TRAPPC6B: variants seen among roughly 807,000 people sequenced by gnomAD.
TRAPPC6B encodes trafficking protein particle complex subunit 6B.
TRAPPC6B carries 27 observed loss-of-function variants against 24.7 expected under a neutral mutation model. The observed-to-expected ratio is 1.09, with a 90% confidence interval of 0.81 to 1.51. TRAPPC6B has a LOEUF of 1.51. Ranked by LOEUF, TRAPPC6B falls within the 40% of genes most tolerant of loss-of-function variation. The pLI is 0.00. For missense variants in TRAPPC6B, 212 were observed against 190.8 expected, an observed-to-expected ratio of 1.11 and a Z score of -0.66; for synonymous variants, 80 against 66.6, an observed-to-expected ratio of 1.20 and a Z score of -0.98.
At chr14:39,151,283 G>A (rs566089968) in intron 5 of TRAPPC6B, among the ~76,000 whole-genome samples, 4 of 151,326 alleles carry the variant, frequency 2.6e-5, no homozygotes, top group Middle Eastern at 3.4e-3. Context: ...CCAGCTACTC[G>A]GGAGGTTGAG....
rs990614723 is a variant in TRAPPC6B, at chr14:39,154,684, T to C, written c.268-390A>G. 7.2e-4 allele frequency among the ~76,000 whole-genome samples: 109 copies of C among 152,268 alleles called. 1 individual carries two copies. The highest frequency in any genetic ancestry group is 2.5e-3 in the African/African-American group (102 of 41,552). On this transcript the variant is annotated intron_variant, in intron 3 of 5. Coordinates refer to ENST00000330149, the MANE Select transcript of TRAPPC6B (RefSeq NM_001079537.2). The stretch of plus-strand genomic sequence containing the variant: ...ATCTGCCCACCTTGACCTCCCGAAG[T>C]GCTGGGATTACAGGCATAAGCCCAC...
In TRAPPC6B at chr14:39,147,910, T is replaced by G. The variant is rs1028181808; in HGVS notation, c.*2440A>C. ...AAAGGCATATTCAATTGTCCCATAC[T>G]AATTTTTGAATAACCTAACTCTCCC... On this transcript the variant is annotated 3_prime_UTR_variant, in exon 6 of 6. Coordinates refer to ENST00000330149, the MANE Select transcript of TRAPPC6B (RefSeq NM_001079537.2). The G allele has an allele frequency of 1.3e-5, 2 of 152,224 alleles. No homozygotes were observed. The highest frequency in any genetic ancestry group is 2.9e-5 in the Non-Finnish European group (2 of 68,044). The allele number at this position is 152,224 out of a possible 1,614,324, so 9.4% of individuals were successfully genotyped here.
In TRAPPC6B at chr14:39,170,048, A is replaced by C. The variant is rs766668699; in HGVS notation, c.48T>G (p.Ser16=). The C allele has an allele frequency of 8.7e-6, 14 of 1,614,102 alleles. No homozygotes were observed. Among genetic ancestry groups the C allele is most frequent in the Non-Finnish European group, 1.0e-5 (12 of 1,180,046 alleles). The change falls in exon 1 of 6, where the codon TCT becomes TCG. Residue 16 remains serine, a synonymous_variant. Transcript: ENST00000330149. ...LFLLLHNEMV[S]GVYKSAEQGE... ...CCTGCTCCGCGGACTTGTACACTCCAGACACCATCTCGTTATGGAGAAGCA... is the reference window on the plus strand; with the variant it reads ...CCTGCTCCGCGGACTTGTACACTCCCGACACCATCTCGTTATGGAGAAGCA...
At chr14:39,158,899 A>C (rs539833523) in intron 2 of TRAPPC6B, 1 of 152,616 alleles carries the variant, frequency 6.6e-6, no homozygotes, top group Non-Finnish European at 1.5e-5. Flanking sequence ...TATGTTATAT[A>C]AATTATGAGG....
chr14:39,166,922 T>A (rs1980611), intron 1 of TRAPPC6B, among the ~76,000 whole-genome samples: 44,416 of 151,972 alleles, frequency 0.29, 7,635 homozygotes, highest in Non-Finnish European at 0.38. Flanking sequence ...GGAGGCTGAT[T>A]TGAGCAATAA....
intron 5 of TRAPPC6B, among the ~76,000 whole-genome samples, chr14:39,151,109 G>A (rs181837492): frequency 7.9e-5 from 12 of 151,664 alleles, no homozygotes; most frequent in African/African-American, 1.4e-4. Flanking sequence ...TAGCATTTTC[G>A]GGCCGGGCGC....
At position 39,166,903 on chromosome 14, in the gene TRAPPC6B, C is replaced by T. The variant is rs545111574; in HGVS notation, c.81+3112G>A. On this transcript the variant is annotated intron_variant, in intron 1 of 5. Transcript: ENST00000330149. ...TATCCTTGATAAACCCTAGACTCTGCATGTTTGGGGAGGCTGATTTGAGCA... is the reference window on the plus strand; with the variant it reads ...TATCCTTGATAAACCCTAGACTCTGTATGTTTGGGGAGGCTGATTTGAGCA... Among the ~76,000 whole-genome samples, 5 of 152,290 alleles carry T rather than the reference C, an allele frequency of 3.3e-5. No homozygotes were observed. The South Asian group carries it at 1.0e-3, about 32-fold the overall frequency.
chr14:39,169,458 T>A (rs2053142439), intron 1 of TRAPPC6B, among the ~76,000 whole-genome samples: 1 of 152,232 alleles, frequency 6.6e-6, no homozygotes, highest in African/African-American at 2.4e-5. Flanking sequence ...GAAATCGCTC[T>A]GACATAAGGG....
At chr14:39,167,481 T>G (rs923417241) in intron 1 of TRAPPC6B, among the ~76,000 whole-genome samples, 4 of 152,162 alleles carry the variant, frequency 2.6e-5, no homozygotes, top group Non-Finnish European at 4.4e-5. Context: ...ATAAACAACA[T>G]AGTTTTTACA....
chr14:39,159,711 TTTTAC>T (rs1171978120), intron 1 of TRAPPC6B, among the ~76,000 whole-genome samples, 161 bp from the exon 2 acceptor site: 8 of 152,152 alleles, frequency 5.3e-5, no homozygotes, highest in African/African-American at 1.7e-4. Context: ...ATTTTATTTA[TTTTAC>T]TTTACTTTTA....
intron 5 of TRAPPC6B, among the ~76,000 whole-genome samples, chr14:39,150,634 G>A (rs181024392): frequency 6.6e-5 from 10 of 152,176 alleles, no homozygotes; most frequent in African/African-American, 2.4e-4. Flanking sequence ...CACCTCCTGG[G>A]TTCAAGTGAT....
chr14:39,161,904 C>G (rs2053063768), intron 1 of TRAPPC6B, among the ~76,000 whole-genome samples: 1 of 152,128 alleles, frequency 6.6e-6, no homozygotes, highest in Admixed American at 6.5e-5. Flanking sequence ...TGCCACAGTC[C>G]CAGGCCCGTA....
At chr14:39,157,822 G>T in intron 3 of TRAPPC6B, 1 of 213,026 alleles carries the variant, frequency 4.7e-6, no homozygotes. Context: ...GCAGGAAAAG[G>T]CAAAGGCTAA....
Position 39,149,800 on chromosome 14 carries a change from A to G in TRAPPC6B, c.*550T>C, listed in dbSNP as rs72673346. ...AAGGAATGAAACCTATTAAAGAAAA[A>G]TTAAATTTATAAACAATTTAGGCAG... is the stretch of plus-strand genomic sequence containing the variant. On this transcript the variant is annotated 3_prime_UTR_variant, in exon 6 of 6. Transcript: ENST00000330149. The G allele has an allele frequency of 0.077, 11,712 of 152,260 alleles. 469 individuals are homozygous for G. Among genetic ancestry groups the G allele is most frequent in the African/African-American group, 0.11 (4,447 of 41,538 alleles). 9.4% of individuals were successfully genotyped at this position (152,260 alleles called of 1,614,324 possible). A position where few individuals can be genotyped will look rare whatever the true frequency, so the allele number is the denominator to read the frequency against.
At position 39,170,253 on chromosome 14, in the gene TRAPPC6B, A is replaced by C; in HGVS notation, c.-158T>G. The C allele has an allele frequency of 1.5e-6, 1 of 648,416 alleles. No homozygotes were observed. Among genetic ancestry groups the C allele is most frequent in the Non-Finnish European group, 2.7e-6 (1 of 372,652 alleles). 40.2% of individuals were successfully genotyped at this position (648,416 alleles called of 1,614,324 possible). ...ACCGAGGTATTCACACGACTTCCCA[A>C]AGGCTGGTACTGAAATGAGTCTGGT... On this transcript the variant is annotated 5_prime_UTR_variant, in exon 1 of 6. Transcript: ENST00000330149.
At chr14:39,167,424 C>G (rs1225711859) in intron 1 of TRAPPC6B, among the ~76,000 whole-genome samples, 1 of 138,366 alleles carries the variant, frequency 7.2e-6, no homozygotes, top group African/African-American at 3.5e-5. Context: ...AAAAAAAAGA[C>G]ACATAATCCT....
At chr14:39,164,074 CT>C in intron 1 of TRAPPC6B, among the ~76,000 whole-genome samples, 1 of 143,532 alleles carries the variant, frequency 7.0e-6, no homozygotes, top group African/African-American at 3.0e-5. Context: ...TAAGTAAAGC[CT>C]TATCATTTCT....
At chr14:39,158,079 A>C (rs2053006598) in intron 3 of TRAPPC6B, among the ~76,000 whole-genome samples, 1 of 152,220 alleles carries the variant, frequency 6.6e-6, no homozygotes, top group African/African-American at 2.4e-5. Flanking sequence ...AATTGGGTGA[A>C]AGGAACAGCT....
intron 1 of TRAPPC6B, among the ~76,000 whole-genome samples, chr14:39,163,028 T>C (rs1169932923): frequency 6.6e-6 from 1 of 150,814 alleles, no homozygotes; most frequent in Non-Finnish European, 1.5e-5. Context: ...AACCATCTTC[T>C]TTAAAAGTGC....
Sources: allele counts gnomAD v4.1 joint callset (sites outside exome capture counted in the v4.1 genomes callset), GRCh38; gene constraint gnomAD v4.1.1; transcripts MANE v1.5; gene names NCBI Gene and HGNC (gene_info 2026-07-23, HGNC 2026-07-21).